The following GSK3B variants were observed in gnomAD, a reference collection of about 807,000 sequenced individuals.
GSK3B encodes the protein glycogen synthase kinase-3 beta.
In GSK3B, 15 loss-of-function variants were observed where a neutral mutation model predicts 56.4. The ratio of observed to expected loss-of-function variants is 0.27; its 90% CI spans 0.18 to 0.41. GSK3B has a LOEUF of 0.41. Ranked by LOEUF, GSK3B falls within the 10% of genes least tolerant of loss-of-function variation. The pLI is 1.00. For synonymous variants in GSK3B, 181 were observed against 188.9 expected, an observed-to-expected ratio of 0.96 and a Z score of 0.34; for missense variants, 300 against 513.4, an observed-to-expected ratio of 0.58 and a Z score of 4.02.
chr3:119,853,827 C>T (rs764144629), intron 9 of GSK3B, among the ~76,000 whole-genome samples: 5 of 152,146 alleles, frequency 3.3e-5, no homozygotes, highest in Admixed American at 6.5e-5. Flanking sequence ...TGGGCTGAGA[C>T]GATGGGGTTT....
intron 1 of GSK3B, chr3:120,029,712 T>A: frequency 5.6e-6 from 3 of 533,494 alleles, no homozygotes; most frequent in South Asian, 1.5e-5. Flanking sequence ...GGGATGGAAA[T>A]TTTTTTATCA....
At chr3:120,023,993 T>A (rs2057902168) in intron 1 of GSK3B, among the ~76,000 whole-genome samples, 1 of 152,188 alleles carries the variant, frequency 6.6e-6, no homozygotes, top group South Asian at 2.1e-4. Flanking sequence ...ATGTTCCAAA[T>A]ATTCTAACCA....
intron 1 of GSK3B, among the ~76,000 whole-genome samples, chr3:120,018,920 C>G (rs1018365659): frequency 6.6e-6 from 1 of 152,136 alleles, no homozygotes; most frequent in Non-Finnish European, 1.5e-5. Context: ...CATAGCCTAA[C>G]AACAGGTGCT....
chr3:119,990,660 G>A (rs1250949439), intron 2 of GSK3B, among the ~76,000 whole-genome samples: 2 of 152,192 alleles, frequency 1.3e-5, no homozygotes, highest in Non-Finnish European at 2.9e-5. Flanking sequence ...CAAGCGCGGT[G>A]GCCCACAATT....
chr3:119,834,171 A>AT (rs2108001942), intron 10 of GSK3B, among the ~76,000 whole-genome samples: 1 of 152,290 alleles, frequency 6.6e-6, no homozygotes, highest in African/African-American at 2.4e-5. Flanking sequence ...GGGAGATATT[A>AT]TTTATACTGT....
intron 2 of GSK3B, among the ~76,000 whole-genome samples, chr3:119,982,635 T>G (rs566829640): frequency 6.6e-6 from 1 of 151,920 alleles, no homozygotes; most frequent in African/African-American, 2.4e-5. Flanking sequence ...ATCATATTAA[T>G]GAAATAAAGC....
Position 119,855,983 on chromosome 3 carries a change from T to C in GSK3B, c.1096+7436A>G, listed in dbSNP as rs1392471541. On this transcript the variant is annotated intron_variant, in intron 9 of 10. Transcript: ENST00000264235. ...CCTAGAACTTAAAGTATAATAATAC[T>C]GCTAATATTTTGATTCTGGGAGAAC... Among the ~76,000 whole-genome samples the C allele has an allele frequency of 2.6e-5, 4 of 152,202 alleles. No homozygotes were observed. In the East Asian group the frequency reaches 7.7e-4, roughly 29 times the overall value.
At chr3:119,954,422 GT>G (rs35624257) in intron 2 of GSK3B, among the ~76,000 whole-genome samples, 79,813 of 151,974 alleles carry the variant, frequency 0.53, 24,229 homozygotes, top group African/African-American at 0.85. Context: ...CATGAAACTT[GT>G]TAATTATTTT....
At chr3:119,962,884 T>C (rs2057285673) in intron 2 of GSK3B, among the ~76,000 whole-genome samples, 1 of 152,010 alleles carries the variant, frequency 6.6e-6, no homozygotes, top group African/African-American at 2.4e-5. Flanking sequence ...CACAATAGGG[T>C]TCATGTTCCT....
intron 9 of GSK3B, among the ~76,000 whole-genome samples, chr3:119,856,042 G>T (rs2056019042): frequency 1.3e-5 from 2 of 152,066 alleles, no homozygotes; most frequent in Non-Finnish European, 2.9e-5. Flanking sequence ...TTTATATCAT[G>T]ATTTTGTATC....
intron 2 of GSK3B, among the ~76,000 whole-genome samples, chr3:119,956,404 C>T (rs756921638): frequency 1.5e-3 from 224 of 152,278 alleles, no homozygotes; most frequent in Middle Eastern, 3.4e-3. Context: ...ATCCGAAATG[C>T]TTGGGACCAA....
intron 1 of GSK3B, chr3:120,028,991 C>T (rs1012158914): frequency 2.5e-5 from 15 of 593,858 alleles, no homozygotes; most frequent in African/African-American, 1.9e-4. Context: ...GTGGAAGAAA[C>T]GGCCTTTTAT....
At chr3:120,011,930 T>C (rs2057781954) in intron 1 of GSK3B, among the ~76,000 whole-genome samples, 1 of 152,220 alleles carries the variant, frequency 6.6e-6, no homozygotes. Context: ...CTCTGCTGTA[T>C]TTTAAAACCT....
At chr3:119,848,254 C>A (rs3107669) in intron 9 of GSK3B, among the ~76,000 whole-genome samples, 67,341 of 151,978 alleles carry the variant, frequency 0.44, 18,269 homozygotes, top group Non-Finnish European at 0.6. Context: ...ATGCTTGTTA[C>A]TTAAGTATTT....
chr3:119,853,608 T>C (rs1477709210), intron 9 of GSK3B, among the ~76,000 whole-genome samples: 2 of 152,216 alleles, frequency 1.3e-5, no homozygotes, highest in African/African-American at 2.4e-5. Flanking sequence ...GAGCAGTGGT[T>C]TGTAGTTCTC....
intron 2 of GSK3B, among the ~76,000 whole-genome samples, chr3:120,001,698 T>C (rs956789562): frequency 6.6e-6 from 1 of 152,240 alleles, no homozygotes; most frequent in African/African-American, 2.4e-5. Context: ...AAAATGCTTA[T>C]ATGCTACAGG....
chr3:119,905,403 T>C (rs909999276), intron 7 of GSK3B, among the ~76,000 whole-genome samples: 2 of 151,750 alleles, frequency 1.3e-5, no homozygotes. Context: ...GAGCAGGGAG[T>C]ATACAGTGAG....
At chr3:120,010,801 T>G (rs1005354481) in intron 1 of GSK3B, among the ~76,000 whole-genome samples, 2 of 152,022 alleles carry the variant, frequency 1.3e-5, no homozygotes, top group African/African-American at 4.8e-5. Context: ...GGCATGGTAG[T>G]TCACACCTGT....
At position 119,949,467 on chromosome 3, in the gene GSK3B, C is replaced by G. The variant is rs544639310; in HGVS notation, c.283-2116G>C. Among the ~76,000 whole-genome samples the G allele has an allele frequency of 4.6e-5, 7 of 152,184 alleles. No homozygotes were observed. The East Asian group carries it at 1.4e-3, about 29-fold the overall frequency. ...AATGTAAAAACCTAGTAGTGGTGGG[C>G]TTGGCATATTCAAGAAATAGCCAGA... On this transcript the variant is annotated intron_variant, in intron 2 of 10. Coordinates refer to ENST00000264235, the MANE Select transcript of GSK3B (RefSeq NM_001146156.2).
Sources: gnomAD v4.1 joint callset for allele counts (sites outside exome capture counted in the v4.1 genomes callset) on GRCh38, gnomAD v4.1.1 for gene constraint, MANE v1.5 for transcripts, NCBI Gene and HGNC (gene_info 2026-07-23, HGNC 2026-07-21) for gene names.